The following CRYBA4 variants were observed in gnomAD, a reference collection of about 807,000 sequenced individuals.
CRYBA4 encodes beta-crystallin A4.
CRYBA4 carries 30 observed loss-of-function variants against 31.7 expected under a neutral mutation model. The ratio of observed to expected loss-of-function variants is 0.95; its 90% CI spans 0.71 to 1.28. The LOEUF is 1.28. Among genes scored for constraint, CRYBA4 ranks in the 50% most tolerant of loss-of-function variants. The probability of loss-of-function intolerance (pLI) is 0.00; values close to 1 mark genes in which losing one functional copy is unlikely to be tolerated. For missense variants in CRYBA4, 225 were observed against 260.7 expected, an observed-to-expected ratio of 0.86 and a Z score of 0.94; for synonymous variants, 102 against 102.3, an observed-to-expected ratio of 1.00 and a Z score of 0.02.
chr22:26,630,365 T>A lies in CRYBA4; in HGVS notation c.469T>A (p.Tyr157Asn). The change falls in exon 6 of 6, where the codon TAC (tyrosine) becomes AAC (asparagine). Residue 157 changes from tyrosine (Y) to asparagine (N), a missense_variant. Transcript: ENST00000354760. Reference sequence around the variant, plus strand: ...CTGGGTTTGCTCCCAGTTTCCGGGCTACCGAGGATTTCAGTATGTGCTGGA... The same window carrying A: ...CTGGGTTTGCTCCCAGTTTCCGGGCAACCGAGGATTTCAGTATGTGCTGGA... The part of the protein sequence containing the change: ...GAWVCSQFPG[Y>N]RGFQYVLECD... 2 of 1,614,268 alleles carry A rather than the reference T, an allele frequency of 1.2e-6. No homozygotes were observed. The highest frequency in any genetic ancestry group is 1.7e-6 in the Non-Finnish European group (2 of 1,180,042).
At chr22:26,601,683 G>T in the CRYBA4 span, among the ~76,000 whole-genome samples, 1 of 141,324 alleles carries the variant, frequency 7.1e-6, no homozygotes, top group Non-Finnish European at 1.6e-5. Flanking sequence ...CACTGACCTG[G>T]AATTCCTCAA....
At chr22:26,619,826 C>A (rs748124486), upstream of CRYBA4, among the ~76,000 whole-genome samples, 11 of 152,314 alleles carry the variant, frequency 7.2e-5, no homozygotes, top group East Asian at 5.8e-4. Context: ...CCGTGCCCCC[C>A]CTAAAGCCCC....
the CRYBA4 span, among the ~76,000 whole-genome samples, chr22:26,607,110 G>C: frequency 6.7e-6 from 1 of 149,034 alleles, no homozygotes; most frequent in Non-Finnish European, 1.5e-5. Context: ...GCAACCTCTG[G>C]CTCCCGGGTT....
Position 26,623,233 on chromosome 22 carries a change from G to C in CRYBA4, c.40-1G>C, listed in dbSNP as rs142090709. 8,570 of 1,612,052 alleles carry C rather than the reference G, an allele frequency of 5.3e-3. 35 individuals are homozygous for C. The highest frequency in any genetic ancestry group is 6.6e-3 in the Non-Finnish European group (7,752 of 1,179,094). ...TCCACCTTTTTTTTTTCCTGGCACA[G>C]ATGGTGGTGTGGGATGAGGACGGCT... is the stretch of plus-strand genomic sequence containing the variant. On this transcript the variant is annotated splice_acceptor_variant, in intron 2 of 5. Coordinates refer to ENST00000354760, the MANE Select transcript of CRYBA4 (RefSeq NM_001886.3). LOFTEE classifies it high-confidence loss of function.
At chr22:26,610,997 C>T in the CRYBA4 span, among the ~76,000 whole-genome samples, 1 of 152,132 alleles carries the variant, frequency 6.6e-6, no homozygotes. Flanking sequence ...TGGGGCTGCC[C>T]CTCCACCCTG....
At chr22:26,609,898 T>C in the CRYBA4 span, among the ~76,000 whole-genome samples, 2 of 152,166 alleles carry the variant, frequency 1.3e-5, no homozygotes, top group Admixed American at 6.5e-5. Flanking sequence ...ATCTACCTTG[T>C]TGGGAGATTA....
At chr22:26,610,602 G>A in the CRYBA4 span, among the ~76,000 whole-genome samples, 1 of 152,348 alleles carries the variant, frequency 6.6e-6, no homozygotes, top group African/African-American at 2.4e-5. Flanking sequence ...ACCACACTGA[G>A]GGTGCAGGAG....
At chr22:26,613,219 T>C in the CRYBA4 span, among the ~76,000 whole-genome samples, 7 of 152,260 alleles carry the variant, frequency 4.6e-5, no homozygotes, top group African/African-American at 1.7e-4. Flanking sequence ...CCACTTGCTG[T>C]TCCAAGTTGG....
the CRYBA4 span, among the ~76,000 whole-genome samples, chr22:26,597,338 A>G: frequency 6.6e-6 from 1 of 152,228 alleles, no homozygotes; most frequent in Admixed American, 6.5e-5. Context: ...AGGGCTGCCA[A>G]GTTCAGCTGA....
chr22:26,606,090 C>G, the CRYBA4 span, among the ~76,000 whole-genome samples: 1 of 152,174 alleles, frequency 6.6e-6, no homozygotes, highest in Non-Finnish European at 1.5e-5. Flanking sequence ...GACAATTCTT[C>G]CAGCGTGGGC....
At chr22:26,603,860 G>A in the CRYBA4 span, among the ~76,000 whole-genome samples, 1 of 152,094 alleles carries the variant, frequency 6.6e-6, no homozygotes, top group East Asian at 1.9e-4. Context: ...GGAGGCAGAG[G>A]TTGCAGTGAG....
At chr22:26,625,336 T>C (rs956573827) in intron 3 of CRYBA4, 145 bp from the exon 4 acceptor site, 3 of 925,542 alleles carry the variant, frequency 3.2e-6, no homozygotes, top group South Asian at 3.2e-5. Flanking sequence ...CAACCAAAAA[T>C]GTCTCCAGCC....
At chr22:26,602,653 G>A in the CRYBA4 span, among the ~76,000 whole-genome samples, 6 of 152,084 alleles carry the variant, frequency 3.9e-5, no homozygotes, top group Non-Finnish European at 8.8e-5. Flanking sequence ...GCTCAGAGAG[G>A]TCAAGCTTAT....
At chr22:26,591,282 C>T in the CRYBA4 span, among the ~76,000 whole-genome samples, 1 of 152,010 alleles carries the variant, frequency 6.6e-6, no homozygotes, top group East Asian at 1.9e-4. Context: ...ACCAGCCAGG[C>T]CAACATGGCG....
At chr22:26,610,973 C>T in the CRYBA4 span, among the ~76,000 whole-genome samples, 1 of 152,112 alleles carries the variant, frequency 6.6e-6, no homozygotes, top group Non-Finnish European at 1.5e-5. Context: ...AAACGAGCTG[C>T]GTGGATCTTG....
At chr22:26,627,359 C>CCCTCCCTCCCTCCCTCCCTCCCTCCCTT (rs1404229613) in intron 4 of CRYBA4, among the ~76,000 whole-genome samples, 9 of 41,862 alleles carry the variant, frequency 2.1e-4, no homozygotes, top group Admixed American at 2.0e-3. Context: ...CTCCCTCCCT[C>CCCTCCCTCCCTCCCTCCCTCCCTCCCTT]CTTTCTTTCT....
At chr22:26,614,676 T>C in the CRYBA4 span, among the ~76,000 whole-genome samples, 1 of 152,122 alleles carries the variant, frequency 6.6e-6, no homozygotes, top group African/African-American at 2.4e-5. Context: ...AATAATCACA[T>C]TGCATATTTC....
chr22:26,592,364 C>G, the CRYBA4 span, among the ~76,000 whole-genome samples: 1 of 152,222 alleles, frequency 6.6e-6, no homozygotes, highest in Non-Finnish European at 1.5e-5. Context: ...GAAGCTAGAT[C>G]CTTCAACAAG....
At chr22:26,613,912 C>A in the CRYBA4 span, among the ~76,000 whole-genome samples, 1 of 152,112 alleles carries the variant, frequency 6.6e-6, no homozygotes, top group African/African-American at 2.4e-5. Flanking sequence ...AAAGAGAATG[C>A]GCACCTGGGG....
Sources: allele counts gnomAD v4.1 joint callset (sites outside exome capture counted in the v4.1 genomes callset), GRCh38; gene constraint gnomAD v4.1.1; transcripts MANE v1.5; gene names NCBI Gene and HGNC (gene_info 2026-07-23, HGNC 2026-07-21).